The following OSBPL1A variants were observed in gnomAD, a reference collection of about 807,000 sequenced individuals.
The protein encoded by OSBPL1A is oxysterol-binding protein-related protein 1.
In OSBPL1A, 80 loss-of-function variants were observed where a neutral mutation model predicts 137.1. The observed-to-expected ratio is 0.58, with a 90% CI of 0.49 to 0.70. The LOEUF (loss-of-function observed/expected upper bound fraction) is 0.70. Among genes scored for constraint, OSBPL1A ranks in the 30% least tolerant of loss-of-function variants. The probability of loss-of-function intolerance (pLI) is 0.00; values close to 1 mark genes in which losing one functional copy is unlikely to be tolerated. For missense variants in OSBPL1A, 970 were observed against 1,129.4 expected (o/e 0.86, Z 2.02); for synonymous variants, 365 against 389.7 (o/e 0.94, Z 0.75).
chr18:24,327,819 A>G (rs1487731242), intron 7 of OSBPL1A, among the ~76,000 whole-genome samples: 2 of 152,192 alleles, frequency 1.3e-5, no homozygotes, highest in African/African-American at 4.8e-5. Flanking sequence ...TAAACTATAG[A>G]GTAAATATAT....
In OSBPL1A at chr18:24,289,668, C is replaced by A. The variant is rs545598392; in HGVS notation, c.1175-8720G>T. Among the ~76,000 whole-genome samples, 8 of 152,186 alleles carry A rather than the reference C, an allele frequency of 5.3e-5. No homozygotes were observed. The East Asian group carries it at 1.5e-3, about 29-fold the overall frequency. Reference sequence around the variant, plus strand: ...ACTCCTGACCTCAGGTGATCTGCCGCCTCAGCCTCCCAAAGTGCTCGGATT... The same window carrying A: ...ACTCCTGACCTCAGGTGATCTGCCGACTCAGCCTCCCAAAGTGCTCGGATT... On this transcript the variant is annotated intron_variant, in intron 14 of 27. Coordinates refer to ENST00000319481, the MANE Select transcript of OSBPL1A (RefSeq NM_080597.4).
rs2145965333 is a variant in OSBPL1A at position 24,209,689 on chromosome 18, T to C, written c.1602-13489A>G. Among the ~76,000 whole-genome samples the C allele has an allele frequency of 2.0e-5, 3 of 152,280 alleles. No homozygotes were observed. The Middle Eastern group carries it at 0.01, about 518-fold the overall frequency. On this transcript the variant is annotated intron_variant, in intron 17 of 27. Coordinates refer to ENST00000319481, the MANE Select transcript of OSBPL1A (RefSeq NM_080597.4). ...GTGGGATATTCAAACTAACAGAGCA[T>C]TCACCAATAAAAAGGAAAGAGCAAC...
intron 12 of OSBPL1A, among the ~76,000 whole-genome samples, chr18:24,312,811 G>T (rs1435329468): frequency 6.6e-6 from 1 of 152,158 alleles, no homozygotes; most frequent in African/African-American, 2.4e-5. Flanking sequence ...AAAAAATCAA[G>T]ATATGTCTAT....
At chr18:24,200,147 T>G (rs2087174908) in intron 17 of OSBPL1A, among the ~76,000 whole-genome samples, 1 of 152,274 alleles carries the variant, frequency 6.6e-6, no homozygotes, top group Admixed American at 6.5e-5. Flanking sequence ...GTGTGTATCC[T>G]ACACTTTTAG....
intron 14 of OSBPL1A, among the ~76,000 whole-genome samples, chr18:24,293,369 G>C (rs1599626827): frequency 1.3e-5 from 2 of 152,196 alleles, no homozygotes; most frequent in East Asian, 3.9e-4. Flanking sequence ...CGGCTGGAGA[G>C]AATGAAGGTA....
At chr18:24,259,822 G>GA (rs1458663792) in intron 15 of OSBPL1A, among the ~76,000 whole-genome samples, 2 of 151,830 alleles carry the variant, frequency 1.3e-5, no homozygotes, top group East Asian at 3.9e-4. Flanking sequence ...AAAATACACC[G>GA]AAAGTACAAA....
At chr18:24,163,745 T>C (rs55848119) in intron 27 of OSBPL1A, among the ~76,000 whole-genome samples, 40 of 152,128 alleles carry the variant, frequency 2.6e-4, no homozygotes, top group Non-Finnish European at 5.3e-4. Context: ...TTTTTTTTTT[T>C]CTTTGAGAAG....
intron 15 of OSBPL1A, among the ~76,000 whole-genome samples, chr18:24,263,698 C>T (rs967517143): frequency 3.3e-5 from 5 of 152,042 alleles, no homozygotes; most frequent in East Asian, 1.9e-4. Flanking sequence ...TGCAGTGGCG[C>T]GATCTCGGCT....
chr18:24,280,734 T>C (rs1306023780), intron 15 of OSBPL1A, 108 bp downstream of exon 15: 55 of 599,446 alleles, frequency 9.2e-5, no homozygotes, highest in Non-Finnish European at 6.0e-5. Context: ...CCTTTGTTAA[T>C]ACTAATTTTT....
At chr18:24,391,576 AT>A (rs1408248878) in intron 1 of OSBPL1A, among the ~76,000 whole-genome samples, 1 of 149,358 alleles carries the variant, frequency 6.7e-6, no homozygotes, top group Non-Finnish European at 1.5e-5. Flanking sequence ...AAAAAAAAAA[AT>A]TAATTACCAA....
chr18:24,243,948 T>G (rs1273392741), intron 15 of OSBPL1A, among the ~76,000 whole-genome samples: 2 of 152,238 alleles, frequency 1.3e-5, no homozygotes, highest in African/African-American at 4.8e-5. Flanking sequence ...AAAGCATGCT[T>G]AAGTGCCATT....
At chr18:24,255,725 C>T (rs1209573520) in intron 15 of OSBPL1A, among the ~76,000 whole-genome samples, 2 of 151,972 alleles carry the variant, frequency 1.3e-5, no homozygotes, top group Admixed American at 6.6e-5. Context: ...TCCTGAGGCA[C>T]ATCCTCAAAT....
In OSBPL1A at chr18:24,281,086, T is replaced by C; in HGVS notation, c.1175-138A>G. 9.2e-6 allele frequency: 5 copies of C among 545,626 alleles called. No homozygotes were observed. In the South Asian group the frequency reaches 1.5e-4, roughly 16 times the overall value. 33.8% of individuals were successfully genotyped at this position (545,626 alleles called of 1,614,324 possible). Reference sequence around the variant, plus strand: ...TAAGCAAAACATATCATGTTTCTTTTCTTTTTTTTTGTTTTCTTGAGACGG... The same window carrying C: ...TAAGCAAAACATATCATGTTTCTTTCCTTTTTTTTTGTTTTCTTGAGACGG... On this transcript the variant is annotated intron_variant, in intron 14 of 27. Coordinates refer to ENST00000319481, the MANE Select transcript of OSBPL1A (RefSeq NM_080597.4).
At chr18:24,244,150 C>A (rs2088808486) in intron 15 of OSBPL1A, among the ~76,000 whole-genome samples, 1 of 152,184 alleles carries the variant, frequency 6.6e-6, no homozygotes, top group Non-Finnish European at 1.5e-5. Flanking sequence ...TAGTTGCAAG[C>A]TTAGAAACTA....
chr18:24,324,732 C>T (rs994676606), intron 7 of OSBPL1A, among the ~76,000 whole-genome samples: 2 of 148,466 alleles, frequency 1.3e-5, no homozygotes, highest in African/African-American at 5.0e-5. Context: ...TGCAGTGAGC[C>T]GAGATCACAC....
rs183544990 is a variant in OSBPL1A, at chr18:24,246,749, C to T, written c.1282-7367G>A. Among the ~76,000 whole-genome samples, 53 of 145,308 alleles carry T rather than the reference C, an allele frequency of 3.6e-4. No individual in the cohort carries two copies. In the East Asian group the frequency reaches 0.011, roughly 29 times the overall value. ...GAGGTTGCAGTGAGCCAAGATGGCA[C>T]CACTGCACTCCATCCTGGGTAACAG... On this transcript the variant is annotated intron_variant, in intron 15 of 27. Transcript: ENST00000319481.
At chr18:24,175,846 A>G (rs2086431499) in intron 21 of OSBPL1A, among the ~76,000 whole-genome samples, 2 of 152,212 alleles carry the variant, frequency 1.3e-5, no homozygotes, top group Admixed American at 6.5e-5. Flanking sequence ...ATTTTTTAAC[A>G]TATAGATGTC....
chr18:24,263,899 AGTGCTGGGATTACAGGTGTGAGCCACTAC>A (rs1053836954), intron 15 of OSBPL1A, among the ~76,000 whole-genome samples: 21 of 152,150 alleles, frequency 1.4e-4, no homozygotes, highest in Non-Finnish European at 2.9e-4. Context: ...TGCCTCCCAA[AGTGCTGGGATTACAGGTGTGAGCCACTAC>A]GTTCAGCCTA....
intron 13 of OSBPL1A, among the ~76,000 whole-genome samples, chr18:24,308,378 T>C (rs377696812): frequency 7.1e-6 from 1 of 141,448 alleles, no homozygotes; most frequent in Non-Finnish European, 1.5e-5. Flanking sequence ...GCCTCAAAAT[T>C]AAAAAAAAAA....
Sources: allele counts gnomAD v4.1 joint callset (sites outside exome capture counted in the v4.1 genomes callset), GRCh38; gene constraint gnomAD v4.1.1; transcripts MANE v1.5; gene names NCBI Gene and HGNC (gene_info 2026-07-23, HGNC 2026-07-21).